GDA: variants seen among roughly 807,000 people sequenced by gnomAD.
GDA encodes the protein guanine deaminase.
In GDA, 18 loss-of-function variants were observed where a neutral mutation model predicts 59.6. The observed-to-expected ratio is 0.30, with a 90% CI of 0.21 to 0.45. The LOEUF (loss-of-function observed/expected upper bound fraction) is 0.45. Ranked by LOEUF, GDA falls within the 20% of genes least tolerant of loss-of-function variation. The pLI, the probability that GDA is intolerant of heterozygous loss-of-function variation, is 1.00. For missense variants in GDA, 427 were observed against 552.3 expected, an observed-to-expected ratio of 0.77 and a Z score of 2.27; for synonymous variants, 201 against 201.1, an observed-to-expected ratio of 1.00 and a Z score of 0.00.
At chr9:72,234,235 T>TG (rs1049728021) in intron 10 of GDA, among the ~76,000 whole-genome samples, 7 of 151,928 alleles carry the variant, frequency 4.6e-5, no homozygotes, top group African/African-American at 1.7e-4. Flanking sequence ...AATCAGAAAG[T>TG]GGTTGCCAAA....
intron 7 of GDA, among the ~76,000 whole-genome samples, chr9:72,224,137 G>A (rs188495562): frequency 2.0e-4 from 31 of 152,068 alleles, no homozygotes; most frequent in Admixed American, 3.9e-4. Flanking sequence ...TTCTGTCGCC[G>A]ACAAAATAAA....
chr9:72,225,538 A>T (rs1401254731), intron 7 of GDA, 139 bp from the exon 8 acceptor site: 3 of 589,538 alleles, frequency 5.1e-6, no homozygotes, highest in East Asian at 5.5e-5. Flanking sequence ...AACAAAATGC[A>T]TGTGTAATCT....
intron 2 of GDA, chr9:72,197,570 A>G (rs1476874499): frequency 6.6e-6 from 1 of 152,168 alleles, no homozygotes; most frequent in African/African-American, 2.4e-5. Context: ...GTGGGTCTTC[A>G]CTTCCTTTTC....
At chr9:72,202,180 A>G (rs1181726451) in intron 2 of GDA, among the ~76,000 whole-genome samples, 1 of 152,216 alleles carries the variant, frequency 6.6e-6, no homozygotes, top group African/African-American at 2.4e-5. Flanking sequence ...GCACGGCTCT[A>G]GAAGTTTTAA....
chr9:72,162,529 G>C (rs762350597), intron 1 of GDA, among the ~76,000 whole-genome samples: 3 of 152,090 alleles, frequency 2.0e-5, no homozygotes, highest in Non-Finnish European at 4.4e-5. Flanking sequence ...CCAGGAACCA[G>C]GTGGCAAAGA....
In GDA at chr9:72,250,788, C is replaced by T. The variant is rs1306118744; in HGVS notation, c.*2446C>T. 2 of 1,609,020 alleles carry T rather than the reference C, an allele frequency of 1.2e-6. No homozygotes were observed. The highest frequency in any genetic ancestry group is 1.7e-6 in the Non-Finnish European group (2 of 1,176,626). ...CACTTACCAGCCTCCTCACCCCATC[C>T]TCCACCATTTCCTTAATGTTCCATG... On this transcript the variant is annotated 3_prime_UTR_variant, in exon 14 of 14. Transcript: ENST00000358399.
At chr9:72,211,809 T>C (rs1271450958) in intron 4 of GDA, among the ~76,000 whole-genome samples, 1 of 152,104 alleles carries the variant, frequency 6.6e-6, no homozygotes, top group African/African-American at 2.4e-5. Context: ...ATTCATCGCC[T>C]GGGGGCAGTG....
At chr9:72,186,490 A>G (rs1471046192) in intron 1 of GDA, among the ~76,000 whole-genome samples, 1 of 152,072 alleles carries the variant, frequency 6.6e-6, no homozygotes, top group Non-Finnish European at 1.5e-5. Context: ...CACACTCCAC[A>G]TTTTAGTCTA....
At chr9:72,200,135 C>T (rs1166715186) in intron 2 of GDA, among the ~76,000 whole-genome samples, 8 of 151,556 alleles carry the variant, frequency 5.3e-5, no homozygotes, top group Non-Finnish European at 8.8e-5. Flanking sequence ...GTAGCTGGGA[C>T]TACAGGCGCC....
chr9:72,145,042 A>G (rs1826576382), upstream of GDA, among the ~76,000 whole-genome samples: 1 of 152,142 alleles, frequency 6.6e-6, no homozygotes. Context: ...TCTCTCCTAG[A>G]TAAGAGAGGA....
chr9:72,146,652 G>A (rs888176219), upstream of GDA, among the ~76,000 whole-genome samples: 3 of 152,084 alleles, frequency 2.0e-5, no homozygotes, highest in Admixed American at 6.6e-5. Flanking sequence ...CACCACACTT[G>A]GATAATTTTT....
intron 1 of GDA, among the ~76,000 whole-genome samples, chr9:72,134,724 T>G (rs1215393229): frequency 6.6e-6 from 1 of 152,102 alleles, no homozygotes; most frequent in African/African-American, 2.4e-5. Context: ...TTTTATGGTG[T>G]TGTAAGCCTG....
chr9:72,203,336 A>G (rs1021809813), intron 3 of GDA, among the ~76,000 whole-genome samples: 2 of 152,222 alleles, frequency 1.3e-5, no homozygotes, highest in Non-Finnish European at 2.9e-5. Context: ...GGAGCTTTGC[A>G]AGGAAGGAAA....
At chr9:72,245,323 C>T (rs375382343) in intron 12 of GDA, 45 bp downstream of exon 12, 83 of 1,427,630 alleles carry the variant, frequency 5.8e-5, no homozygotes, top group Non-Finnish European at 7.1e-5. Context: ...TTCATAAAGT[C>T]GTCATAATAG....
At chr9:72,176,079 G>T (rs1413074301) in intron 1 of GDA, among the ~76,000 whole-genome samples, 1 of 152,220 alleles carries the variant, frequency 6.6e-6, no homozygotes, top group African/African-American at 2.4e-5. Context: ...AGCTCAGGAG[G>T]TAAGAGGTCC....
intron 1 of GDA, among the ~76,000 whole-genome samples, chr9:72,169,801 TA>T (rs1373195862): frequency 3.9e-5 from 6 of 152,228 alleles, no homozygotes; most frequent in African/African-American, 1.4e-4. Context: ...TTAGAAATTA[TA>T]AAACATTTGG....
chr9:72,194,000 GA>G (rs1463244248), intron 1 of GDA: 1 of 152,250 alleles, frequency 6.6e-6, no homozygotes, highest in Non-Finnish European at 1.5e-5. Context: ...GTCAACTTGT[GA>G]ATTCTGCCTG....
intron 1 of GDA, among the ~76,000 whole-genome samples, chr9:72,139,705 C>G (rs190964708): frequency 2.0e-5 from 3 of 152,212 alleles, no homozygotes; most frequent in Admixed American, 2.0e-4. Flanking sequence ...TACCCTTCCT[C>G]CTGTGATTCT....
At position 72,195,582 on chromosome 9, in the gene GDA, G is replaced by A; in HGVS notation, c.206G>A (p.Ser69Asn). 1 of 1,530,686 alleles carries A rather than the reference G, an allele frequency of 6.5e-7. No homozygotes were observed. The highest frequency in any genetic ancestry group is 1.2e-5 in the South Asian group (1 of 82,680). 94.8% of individuals were successfully genotyped at this position (1,530,686 alleles called of 1,614,324 possible). Residue 69 changes from serine to asparagine, a missense_variant, in exon 2 of 14, where the codon AGC (serine) becomes AAC (asparagine). Coordinates refer to ENST00000358399, the MANE Select transcript of GDA (RefSeq NM_004293.5). ...AAGCCGTGTGAAATAAGAGAACTGA[G>A]CCACCAGTAAGTTGTTACTTCTTCC... ...CFKPCEIREL[S>N]HHEFFMPGLV...
Sources: allele counts gnomAD v4.1 joint callset (sites outside exome capture counted in the v4.1 genomes callset), GRCh38; gene constraint gnomAD v4.1.1; transcripts MANE v1.5; gene names NCBI Gene and HGNC (gene_info 2026-07-23, HGNC 2026-07-21).